GDNF: variants seen among roughly 807,000 people sequenced by gnomAD.
GDNF encodes the protein glial cell line-derived neurotrophic factor.
GDNF carries 5 observed loss-of-function variants against 13.7 expected under a neutral mutation model. The ratio of observed to expected loss-of-function variants is 0.36; its 90% CI spans 0.19 to 0.77. GDNF has a LOEUF of 0.77. Among genes scored for constraint, GDNF ranks in the 30% least tolerant of loss-of-function variants. GDNF has a pLI of 0.51. For synonymous variants in GDNF, 122 were observed against 112.5 expected (o/e 1.08, Z -0.53); for missense variants, 246 against 274.3 (o/e 0.90, Z 0.73).
At chr5:37,819,022 TG>T (rs1472838129) in intron 2 of GDNF, among the ~76,000 whole-genome samples, 1 of 152,188 alleles carries the variant, frequency 6.6e-6, no homozygotes, top group Non-Finnish European at 1.5e-5. Flanking sequence ...TCTAAAAGAA[TG>T]TCAACTCCAA....
chr5:37,818,318 G>A (rs1239277120), intron 2 of GDNF, among the ~76,000 whole-genome samples: 2 of 152,174 alleles, frequency 1.3e-5, no homozygotes, highest in African/African-American at 4.8e-5. Context: ...GCAGGGGCAG[G>A]TTTTTCCTGT....
chr5:37,838,002 T>A lies in GDNF; in HGVS notation c.-27+1505A>T, dbSNP rs1387917458. Among the ~76,000 whole-genome samples, 1 of 151,332 alleles carries A rather than the reference T, an allele frequency of 6.6e-6. No individual in the cohort carries two copies. Among genetic ancestry groups the A allele is most frequent in the Non-Finnish European group, 1.5e-5 (1 of 67,698 alleles). On this transcript the variant is annotated intron_variant, in intron 1 of 2. Transcript: ENST00000326524. The surrounding 1 kb of genome is among the most constrained non-coding windows in gnomAD (Gnocchi z 4.1). The stretch of plus-strand genomic sequence containing the variant: ...GGTTTGCTATAAACTCGGTTTTTTT[T>A]TTTTTTTTTTTGGCGGGGGGAGGTA...
intron 2 of GDNF, among the ~76,000 whole-genome samples, chr5:37,817,483 T>TAAAGC (rs1749975186): frequency 6.6e-6 from 1 of 152,164 alleles, no homozygotes; most frequent in Non-Finnish European, 1.5e-5. Context: ...AAGATTACAT[T>TAAAGC]ATGTCTAACC....
intron 2 of GDNF, among the ~76,000 whole-genome samples, chr5:37,821,849 T>G (rs944987299): frequency 6.6e-6 from 1 of 152,218 alleles, no homozygotes; most frequent in African/African-American, 2.4e-5. Flanking sequence ...CTCCCTGTAA[T>G]AGCTGAACTC....
chr5:37,828,554 C>T (rs572648336), intron 2 of GDNF, among the ~76,000 whole-genome samples: 1 of 152,310 alleles, frequency 6.6e-6, no homozygotes, highest in African/African-American at 2.4e-5. Context: ...TCTATATTTT[C>T]TTAATTCACT....
chr5:37,823,829 A>C (rs892692282), intron 2 of GDNF, among the ~76,000 whole-genome samples: 3 of 152,160 alleles, frequency 2.0e-5, no homozygotes, highest in Non-Finnish European at 4.4e-5. Flanking sequence ...AAGTGTGGAG[A>C]GTCTAAGTCT....
chr5:37,825,666 C>T (rs1306600641), intron 2 of GDNF, among the ~76,000 whole-genome samples: 1 of 152,140 alleles, frequency 6.6e-6, no homozygotes, highest in Non-Finnish European at 1.5e-5. Flanking sequence ...GGAGTCTCTC[C>T]TTTCTTCTTT....
At chr5:37,817,087 C>A (rs1476792171) in intron 2 of GDNF, among the ~76,000 whole-genome samples, 1 of 152,200 alleles carries the variant, frequency 6.6e-6, no homozygotes, top group Non-Finnish European at 1.5e-5. Context: ...TGTCACATGG[C>A]TCCCACTGTC....
In GDNF at chr5:37,834,823, C is replaced by T; in HGVS notation, c.-26-1G>A. The T allele has an allele frequency of 6.2e-7, 1 of 1,612,542 alleles. No homozygotes were observed. Among genetic ancestry groups the T allele is most frequent in the Non-Finnish European group, 8.5e-7 (1 of 1,179,306 alleles). ...TTAAAGTCCCGTCCGGCGGCGGCAC[C>T]TGCGCGGGCAGGCGGGAGGTGGGGG... On this transcript the variant is annotated splice_acceptor_variant, in intron 1 of 2. Transcript: ENST00000326524. LOFTEE classifies it low-confidence loss of function (5UTR_SPLICE).
chr5:37,834,883 C>T, intron 1 of GDNF, 61 bp from the exon 2 acceptor site: 8 of 1,435,236 alleles, frequency 5.6e-6, no homozygotes, highest in Middle Eastern at 1.9e-4. Context: ...GCCTGGGCTC[C>T]CTGCGGGTCC....
chr5:37,834,534 C>G, intron 2 of GDNF, 112 bp downstream of exon 2: 1 of 1,019,260 alleles, frequency 9.8e-7, no homozygotes, highest in Non-Finnish European at 1.4e-6. Context: ...GCCCACGGGT[C>G]GGTAGGCCAC....
At chr5:37,832,657 G>A (rs12518844) in intron 2 of GDNF, among the ~76,000 whole-genome samples, 53,026 of 152,030 alleles carry the variant, frequency 0.35, 9,806 homozygotes, top group Middle Eastern at 0.43. Flanking sequence ...ACATGCCCTT[G>A]TCCCTGCAAT....
At chr5:37,834,542 C>T (rs1750627605) in intron 2 of GDNF, 104 bp downstream of exon 2, 12 of 1,099,304 alleles carry the variant, frequency 1.1e-5, no homozygotes, top group Non-Finnish European at 1.4e-5. Flanking sequence ...GTCGGTAGGC[C>T]ACACAGCCAT....
rs1159800979 is a variant in GDNF at position 37,814,841 on chromosome 5, GC to G, written c.*809del. On this transcript the variant is annotated 3_prime_UTR_variant, in exon 3 of 3. Coordinates refer to ENST00000326524, the MANE Select transcript of GDNF (RefSeq NM_000514.4). ...CCAACAGGCCTGAGGGGCTCTCCCT[GC>G]CCGGGGGCAGTTCGGGGCCTTCCCC... is the stretch of plus-strand genomic sequence containing the variant. 6.6e-6 allele frequency: 1 copy of G among 152,344 alleles called. No homozygotes were observed. Among genetic ancestry groups the G allele is most frequent in the African/African-American group, 2.4e-5 (1 of 41,458 alleles). The allele number at this position is 152,344 out of a possible 1,614,324, so 9.4% of individuals were successfully genotyped here.
In GDNF at chr5:37,838,516, C is replaced by G. The variant is rs561676304; in HGVS notation, c.-27+991G>C. On this transcript the variant is annotated intron_variant, in intron 1 of 2. Transcript: ENST00000326524. This position sits in a 1 kb window ranked among gnomAD's most constrained non-coding sequence, Gnocchi z 4.1. Reference sequence around the variant, plus strand: ...GCCGGAAGAGTTGCCTTTGTCCCCGCCTATGAGCAGAAGGGTCGCGAGCTC... The same window carrying G: ...GCCGGAAGAGTTGCCTTTGTCCCCGGCTATGAGCAGAAGGGTCGCGAGCTC... Among the ~76,000 whole-genome samples, 73 of 152,352 alleles carry G rather than the reference C, an allele frequency of 4.8e-4. No homozygotes were observed. The highest frequency in any genetic ancestry group is 1.7e-3 in the African/African-American group (70 of 41,590).
chr5:37,816,535 T>C (rs1240461786), intron 2 of GDNF, among the ~76,000 whole-genome samples: 6 of 152,212 alleles, frequency 3.9e-5, no homozygotes, highest in Non-Finnish European at 7.3e-5. Flanking sequence ...GAAAATACCC[T>C]GGATATTGAC....
intron 2 of GDNF, among the ~76,000 whole-genome samples, chr5:37,818,791 A>C (rs1442451468): frequency 1.3e-5 from 2 of 152,092 alleles, no homozygotes; most frequent in African/African-American, 2.4e-5. Flanking sequence ...TACCAGATTA[A>C]ATGTCTCCCA....
At chr5:37,831,076 T>C (rs1561134502) in intron 2 of GDNF, among the ~76,000 whole-genome samples, 1 of 152,216 alleles carries the variant, frequency 6.6e-6, no homozygotes, top group Non-Finnish European at 1.5e-5. Context: ...ATTGTTTCCA[T>C]AGGAAATTTT....
In GDNF at chr5:37,815,636, T is replaced by A; in HGVS notation, c.*15A>T. 1 of 1,612,038 alleles carries A rather than the reference T, an allele frequency of 6.2e-7. No homozygotes were observed. The highest frequency in any genetic ancestry group is 8.5e-7 in the Non-Finnish European group (1 of 1,178,132). Reference sequence around the variant, plus strand: ...GTAGCAGGAATGCAATACACAGCAGTCTCTGGAGCCGGAGTCAGATACATC... The same window carrying A: ...GTAGCAGGAATGCAATACACAGCAGACTCTGGAGCCGGAGTCAGATACATC... On this transcript the variant is annotated 3_prime_UTR_variant, in exon 3 of 3. Coordinates refer to ENST00000326524, the MANE Select transcript of GDNF (RefSeq NM_000514.4). The surrounding 1 kb of genome is among the most constrained non-coding windows in gnomAD (Gnocchi z 5.0).
Sources: allele counts gnomAD v4.1 joint callset (sites outside exome capture counted in the v4.1 genomes callset), GRCh38; gene constraint gnomAD v4.1.1; non-coding constraint Gnocchi (gnomAD v3.1); transcripts MANE v1.5; gene names NCBI Gene and HGNC (gene_info 2026-07-23, HGNC 2026-07-21).